Variants in CDH13 observed in about 807,000 individuals in gnomAD.
CDH13 encodes the protein cadherin 13, also known as cadherin-13.
A neutral mutation model predicts 63.8 loss-of-function variants in CDH13; 24 were observed. That is an observed-to-expected ratio of 0.38 (90% CI 0.27 to 0.53). The LOEUF is 0.53. Among genes scored for constraint, CDH13 ranks in the 20% least tolerant of loss-of-function variants. CDH13 has a pLI of 0.85. For synonymous variants in CDH13, 503 were observed against 355.3 expected (o/e 1.42, Z -4.67); for missense variants, 1,049 against 903.1 (o/e 1.16, Z -2.07).
chr16:83,700,259 C>T (rs1050645087), intron 10 of CDH13, among the ~76,000 whole-genome samples: 2 of 152,172 alleles, frequency 1.3e-5, no homozygotes, highest in Admixed American at 6.5e-5. Flanking sequence ...CCTGTGTCAC[C>T]AGTTACACAG....
chr16:83,649,484 G>A (rs1440105744), intron 8 of CDH13, among the ~76,000 whole-genome samples: 1 of 152,148 alleles, frequency 6.6e-6, no homozygotes, highest in Non-Finnish European at 1.5e-5. Flanking sequence ...TACGCATGTT[G>A]TGGTTGTTTT....
chr16:82,909,823 A>G (rs1371425492), intron 2 of CDH13, among the ~76,000 whole-genome samples: 1 of 152,214 alleles, frequency 6.6e-6, no homozygotes, highest in Non-Finnish European at 1.5e-5. Context: ...TATCAGATGT[A>G]CTTCGCATAT....
At chr16:83,373,972 G>A (rs1227307348) in intron 6 of CDH13, among the ~76,000 whole-genome samples, 1 of 152,164 alleles carries the variant, frequency 6.6e-6, no homozygotes, top group Non-Finnish European at 1.5e-5. Context: ...ACCACCTTCT[G>A]ATCTCCAAAC....
At chr16:82,662,655 T>C (rs1437297168) in intron 1 of CDH13, among the ~76,000 whole-genome samples, 1 of 152,210 alleles carries the variant, frequency 6.6e-6, no homozygotes, top group East Asian at 1.9e-4. Context: ...AAATGCGCTT[T>C]ATAATTATTC....
At chr16:83,177,091 T>A (rs2038160175) in intron 4 of CDH13, among the ~76,000 whole-genome samples, 1 of 152,194 alleles carries the variant, frequency 6.6e-6, no homozygotes, top group South Asian at 2.1e-4. Flanking sequence ...GGACTTGAGA[T>A]GTGGCTGGTG....
chr16:82,872,033 G>T (rs1424855399), intron 2 of CDH13, among the ~76,000 whole-genome samples: 1 of 152,164 alleles, frequency 6.6e-6, no homozygotes, highest in African/African-American at 2.4e-5. Flanking sequence ...CAGGCCTGGG[G>T]AAATGGAGAT....
At chr16:82,653,501 T>TG (rs1910964689) in intron 1 of CDH13, among the ~76,000 whole-genome samples, 1 of 152,042 alleles carries the variant, frequency 6.6e-6, no homozygotes, top group African/African-American at 2.4e-5. Flanking sequence ...CTGAGTAAAA[T>TG]GGGACTGGAT....
intron 7 of CDH13, among the ~76,000 whole-genome samples, chr16:83,548,251 A>C (rs1034999659): frequency 6.6e-6 from 1 of 152,192 alleles, no homozygotes; most frequent in Non-Finnish European, 1.5e-5. Context: ...TATTTAGCTC[A>C]GTGGTCCTAA....
At chr16:83,074,954 C>G (rs919647787) in intron 3 of CDH13, among the ~76,000 whole-genome samples, 4 of 152,208 alleles carry the variant, frequency 2.6e-5, no homozygotes, top group African/African-American at 9.6e-5. Context: ...CACGTGCAGC[C>G]TAAGCAAGGC....
Position 83,307,844 on chromosome 16 carries a change from C to G in CDH13, c.637-37018C>G, listed in dbSNP as rs150660887. Among the ~76,000 whole-genome samples, 10 of 152,212 alleles carry G rather than the reference C, an allele frequency of 6.6e-5. No individual in the cohort carries two copies. In the East Asian group the frequency reaches 1.9e-3, roughly 29 times the overall value. Reference sequence around the variant, plus strand: ...TCAGAGCGGGGGAGTAATTATTTGCCGGTAATATGCGTGCTGCCGTTAGCT... The same window carrying G: ...TCAGAGCGGGGGAGTAATTATTTGCGGGTAATATGCGTGCTGCCGTTAGCT... On this transcript the variant is annotated intron_variant, in intron 5 of 13. Transcript: ENST00000567109.
At chr16:82,640,624 A>C (rs376710921) in intron 1 of CDH13, among the ~76,000 whole-genome samples, 2 of 152,208 alleles carry the variant, frequency 1.3e-5, no homozygotes, top group African/African-American at 4.8e-5. Context: ...AATCTAAACC[A>C]GTAGCTGCCT....
intron 5 of CDH13, among the ~76,000 whole-genome samples, chr16:83,237,977 G>T (rs1417092878): frequency 1.3e-5 from 2 of 152,176 alleles, no homozygotes; most frequent in Admixed American, 1.3e-4. Context: ...AAGGCAGAGG[G>T]CTAGGAATTT....
At chr16:83,523,921 A>G (rs925411154) in intron 7 of CDH13, among the ~76,000 whole-genome samples, 2 of 152,188 alleles carry the variant, frequency 1.3e-5, no homozygotes, top group African/African-American at 2.4e-5. Flanking sequence ...ATGAAGATTC[A>G]CCTTCTCTGC....
At chr16:83,242,929 C>A (rs530632899) in intron 5 of CDH13, among the ~76,000 whole-genome samples, 1 of 152,192 alleles carries the variant, frequency 6.6e-6, no homozygotes, top group Non-Finnish European at 1.5e-5. Context: ...TGAGCATATA[C>A]CATGTGTCAA....
At chr16:83,706,974 A>C (rs79484709) in intron 10 of CDH13, among the ~76,000 whole-genome samples, 1,710 of 152,314 alleles carry the variant, frequency 0.011, 40 homozygotes, top group African/African-American at 0.04. Context: ...CATAATGGAA[A>C]GTCTCAGCAA....
intron 7 of CDH13, among the ~76,000 whole-genome samples, chr16:83,526,549 C>G (rs758763456): frequency 2.6e-5 from 4 of 152,160 alleles, no homozygotes; most frequent in African/African-American, 7.2e-5. Flanking sequence ...GACAGGATAC[C>G]GAGCTCAGAT....
At chr16:83,616,321 A>G (rs1909278481) in intron 8 of CDH13, among the ~76,000 whole-genome samples, 1 of 152,248 alleles carries the variant, frequency 6.6e-6, no homozygotes, top group South Asian at 2.1e-4. Flanking sequence ...CAAGGCAGCC[A>G]GATGATTTAT....
chr16:83,328,145 GA>G lies in CDH13; in HGVS notation c.637-16709del, dbSNP rs370035854. Reference sequence around the variant, plus strand: ...TGTCAAAAAAAAAAAAAAAGAAAAAGAAAAAAAATTGAGACCTCTTTTGTGC... The same window carrying G: ...TGTCAAAAAAAAAAAAAAAGAAAAAGAAAAAAATTGAGACCTCTTTTGTGC... On this transcript the variant is annotated intron_variant, in intron 5 of 13. Coordinates refer to ENST00000567109, the MANE Select transcript of CDH13 (RefSeq NM_001257.5). Among the ~76,000 whole-genome samples the G allele has an allele frequency of 2.7e-5, 4 of 150,070 alleles. No homozygotes were observed. In the South Asian group the frequency reaches 8.4e-4, roughly 32 times the overall value.
intron 6 of CDH13, among the ~76,000 whole-genome samples, chr16:83,396,149 A>G (rs1026323509): frequency 5.9e-5 from 9 of 152,296 alleles, no homozygotes; most frequent in Admixed American, 3.3e-4. Flanking sequence ...GCTGCATAGT[A>G]TTCCGTGGTG....
Sources: gnomAD v4.1 joint callset for allele counts (sites outside exome capture counted in the v4.1 genomes callset) on GRCh38, gnomAD v4.1.1 for gene constraint, MANE v1.5 for transcripts, NCBI Gene and HGNC (gene_info 2026-07-23, HGNC 2026-07-21) for gene names.